Variants in RSF1 observed in about 807,000 individuals in gnomAD.
The protein encoded by RSF1 is remodeling and spacing factor 1, also known as HBV pX-associated protein 8.
RSF1 carries 13 observed loss-of-function variants against 145.2 expected under a neutral mutation model. That is an observed-to-expected ratio of 0.09 (90% CI 0.06 to 0.14). The LOEUF is 0.14. Among genes scored for constraint, RSF1 ranks in the 10% least tolerant of loss-of-function variants. The pLI is 1.00. For missense variants in RSF1, 1,517 were observed against 1,718.2 expected, an observed-to-expected ratio of 0.88 and a Z score of 2.07; for synonymous variants, 577 against 592.6, an observed-to-expected ratio of 0.97 and a Z score of 0.38.
intron 4 of RSF1, chr11:77,739,603 T>A (rs2135908735): frequency 6.6e-6 from 1 of 152,338 alleles, no homozygotes; most frequent in South Asian, 2.1e-4. Context: ...TTCAAAGCAT[T>A]AATAAATAAT....
rs199889950 is a variant in RSF1 at position 77,667,438 on chromosome 11, G to A, written c.3805C>T (p.Arg1269Trp). Reference protein sequence around the residue: ...EDDELAKESKRSVRKRGRSTD... With the variant: ...EDDELAKESKWSVRKRGRSTD... ...CTTCGGCCCCGCTTTCGAACTGACC[G>A]CTTTGATTCTTTAGCTAGCTCATCA... is the stretch of plus-strand genomic sequence containing the variant. The change falls in exon 16 of 16, where the codon CGG becomes TGG. Residue 1269 changes from arginine (R) to tryptophan (W), a missense_variant. Around this residue, in one of 12 missense-constraint regions of RSF1, gnomAD observed 240 missense variants for 231.8 expected, o/e 1.04. Coordinates refer to ENST00000308488, the MANE Select transcript of RSF1 (RefSeq NM_016578.4). 2.1e-4 allele frequency: 335 copies of A among 1,613,166 alleles called. No individual in the cohort carries two copies. The highest frequency in any genetic ancestry group is 2.5e-4 in the Non-Finnish European group (299 of 1,179,992).
At chr11:77,797,493 C>A (rs573261284) in intron 1 of RSF1, among the ~76,000 whole-genome samples, 1 of 152,120 alleles carries the variant, frequency 6.6e-6, no homozygotes, top group Non-Finnish European at 1.5e-5. Flanking sequence ...CTTCCTTAAA[C>A]CTTACACAAA....
intron 1 of RSF1, among the ~76,000 whole-genome samples, chr11:77,774,995 G>T (rs686577): frequency 1.3e-5 from 2 of 151,268 alleles, no homozygotes; most frequent in South Asian, 4.2e-4. Flanking sequence ...CTCGAATCCT[G>T]ACCTCATGAT....
intron 3 of RSF1, among the ~76,000 whole-genome samples, chr11:77,743,752 T>TTGAATGTAAG (rs1656745385): frequency 6.6e-6 from 1 of 152,206 alleles, no homozygotes; most frequent in Non-Finnish European, 1.5e-5. Flanking sequence ...CAGTACTATG[T>TTGAATGTAAG]TGAATGTAAG....
intron 2 of RSF1, among the ~76,000 whole-genome samples, chr11:77,749,513 A>C (rs527578327): frequency 6.6e-6 from 1 of 152,346 alleles, no homozygotes; most frequent in East Asian, 1.9e-4. Context: ...ACATAGCTCC[A>C]AAGTTTGGCC....
chr11:77,858,067 G>A, the RSF1 span, among the ~76,000 whole-genome samples: 49 of 152,164 alleles, frequency 3.2e-4, no homozygotes, highest in East Asian at 6.2e-3. Context: ...GACCCAGGCT[G>A]GAGTACAGTG....
chr11:77,697,215 C>A (rs1960297420), intron 7 of RSF1, among the ~76,000 whole-genome samples: 1 of 151,922 alleles, frequency 6.6e-6, no homozygotes, highest in Admixed American at 6.6e-5. Context: ...AAAAAAGAGG[C>A]TGGAGAACCA....
the RSF1 span, among the ~76,000 whole-genome samples, chr11:77,840,522 C>A: frequency 2.0e-5 from 3 of 152,070 alleles, no homozygotes; most frequent in African/African-American, 7.2e-5. Flanking sequence ...GAGCCAGACT[C>A]CATCTCAAAA....
intron 10 of RSF1, 53 bp downstream of exon 10, chr11:77,685,052 T>G: frequency 2.0e-6 from 2 of 992,566 alleles, no homozygotes; most frequent in South Asian, 3.7e-5. Context: ...GGTAAAATTT[T>G]AGAGCAATTA....
intron 5 of RSF1, chr11:77,718,124 T>C (rs544692144): frequency 2.0e-5 from 3 of 152,298 alleles, no homozygotes; most frequent in Admixed American, 1.3e-4. Context: ...CTGACCAACA[T>C]GGAGAAACCC....
chr11:77,750,705 A>G (rs1158595569), intron 2 of RSF1, among the ~76,000 whole-genome samples: 2 of 152,220 alleles, frequency 1.3e-5, no homozygotes, highest in Non-Finnish European at 2.9e-5. Flanking sequence ...GTTTCTGACC[A>G]AGAAGCGTTA....
At chr11:77,865,976 A>G in the RSF1 span, among the ~76,000 whole-genome samples, 1 of 152,244 alleles carries the variant, frequency 6.6e-6, no homozygotes, top group Non-Finnish European at 1.5e-5. Context: ...AGCAATAATG[A>G]GAATGTGACT....
the RSF1 span, among the ~76,000 whole-genome samples, chr11:77,867,794 C>A: frequency 4.1e-4 from 63 of 152,280 alleles, no homozygotes; most frequent in African/African-American, 1.5e-3. Flanking sequence ...TTAAACACAT[C>A]ACCTTAAATG....
intron 2 of RSF1, chr11:77,763,009 A>C (rs1948190809): frequency 6.6e-6 from 1 of 151,958 alleles, no homozygotes; most frequent in Admixed American, 6.6e-5. Flanking sequence ...AAATTGTCTC[A>C]GTGATTAATT....
chr11:77,844,837 G>A, the RSF1 span, among the ~76,000 whole-genome samples: 2 of 152,294 alleles, frequency 1.3e-5, no homozygotes, highest in South Asian at 4.2e-4. Context: ...ATGATGTAAT[G>A]ATGGAAGTAG....
intron 2 of RSF1, among the ~76,000 whole-genome samples, chr11:77,756,855 A>C (rs977566817): frequency 6.6e-6 from 1 of 152,248 alleles, no homozygotes. Flanking sequence ...GGAAGGGCAA[A>C]GATGGATTAA....
the RSF1 span, among the ~76,000 whole-genome samples, chr11:77,858,281 A>C: frequency 2.9e-3 from 273 of 94,412 alleles, no homozygotes; most frequent in Middle Eastern, 0.016. Context: ...TACAACCTCC[A>C]CCTCCTGCGT....
At chr11:77,693,855 G>T (rs1960219154) in intron 7 of RSF1, among the ~76,000 whole-genome samples, 1 of 151,824 alleles carries the variant, frequency 6.6e-6, no homozygotes, top group South Asian at 2.1e-4. Flanking sequence ...CACAATTTTG[G>T]TTCACTGCAA....
chr11:77,788,739 A>G (rs1948486765), intron 1 of RSF1, among the ~76,000 whole-genome samples: 1 of 152,210 alleles, frequency 6.6e-6, no homozygotes. Context: ...TTAGAAACAA[A>G]GAAAAGTCTT....
Sources: gnomAD v4.1 joint callset for allele counts (sites outside exome capture counted in the v4.1 genomes callset) on GRCh38, gnomAD v4.1.1 for gene constraint, gnomAD v4.1.1 regional missense constraint, MANE v1.5 for transcripts, NCBI Gene and HGNC (gene_info 2026-07-23, HGNC 2026-07-21) for gene names.